The following SHOC2 variants were observed in gnomAD, a reference collection of about 807,000 sequenced individuals.
The protein encoded by SHOC2 is leucine-rich repeat protein SHOC-2.
In SHOC2, 4 loss-of-function variants were observed where a neutral mutation model predicts 50.2. That is an observed-to-expected ratio of 0.08 (90% CI 0.04 to 0.18). The LOEUF (loss-of-function observed/expected upper bound fraction) is 0.18, where lower values mean the gene tolerates loss of function less well. SHOC2 is among the 10% of genes least tolerant of loss of function. SHOC2 has a pLI of 1.00. For synonymous variants in SHOC2, 218 were observed against 244.5 expected (o/e 0.89, Z 1.01); for missense variants, 388 against 669.6 (o/e 0.58, Z 4.64).
chr10:110,990,380 A>G (rs1190511133), intron 3 of SHOC2, among the ~76,000 whole-genome samples: 1 of 152,216 alleles, frequency 6.6e-6, no homozygotes, highest in Non-Finnish European at 1.5e-5. Flanking sequence ...CTTTATGTCT[A>G]GCTCAGGGAT....
chr10:110,934,511 G>A (rs187988414), intron 1 of SHOC2, among the ~76,000 whole-genome samples: 69 of 151,960 alleles, frequency 4.5e-4, no homozygotes, highest in African/African-American at 1.3e-3. Context: ...TTTAATATCC[G>A]TACAACATTG....
Position 110,964,908 on chromosome 10 carries a change from A to G in SHOC2, c.550A>G (p.Ile184Val). The G allele has an allele frequency of 1.2e-6, 2 of 1,613,804 alleles. No individual in the cohort carries two copies. Among genetic ancestry groups the G allele is most frequent in the African/African-American group, 1.3e-5 (1 of 74,946 alleles). Residue 184 changes from isoleucine (I) to valine (V), a missense_variant, in exon 2 of 9, where the codon ATT (isoleucine) becomes GTT (valine). By Grantham distance (29) the Ile-to-Val change is conservative (BLOSUM62 3). Around this residue, in one of 5 missense-constraint regions of SHOC2, gnomAD observed 88 missense variants for 147.2 expected, o/e 0.60. Coordinates refer to ENST00000369452, the MANE Select transcript of SHOC2 (RefSeq NM_007373.4). The surrounding 1 kb of genome is among the most constrained non-coding windows in gnomAD (Gnocchi z 4.9). ...LDLRHNKLRE[I>V]PSVVYRLDSL... ...TTTACGGCATAATAAACTGAGAGAAATTCCTTCAGTGGTGTATAGGCTGGA... is the reference window on the plus strand; with the variant it reads ...TTTACGGCATAATAAACTGAGAGAAGTTCCTTCAGTGGTGTATAGGCTGGA...
rs2134184102 is a variant in SHOC2 at position 111,012,322 on chromosome 10, T to C, written c.*504T>C. ...TACAGTCAGAGTAAATCACTGGATT[T>C]CTTTTGTTTGTTTTGATTTGCTCTG... On this transcript the variant is annotated 3_prime_UTR_variant, in exon 9 of 9. Coordinates refer to ENST00000369452, the MANE Select transcript of SHOC2 (RefSeq NM_007373.4). 1.2e-5 allele frequency: 2 copies of C among 161,038 alleles called. No homozygotes were observed. The highest frequency in any genetic ancestry group is 3.7e-4 in the East Asian group (2 of 5,478). The allele number at this position is 161,038 out of a possible 1,614,324, so 10.0% of individuals were successfully genotyped here. A position where few individuals can be genotyped will look rare whatever the true frequency, so the allele number is the denominator to read the frequency against.
chr10:110,931,889 G>A (rs149579709), intron 1 of SHOC2, among the ~76,000 whole-genome samples: 1 of 152,206 alleles, frequency 6.6e-6, no homozygotes, highest in East Asian at 1.9e-4. Context: ...AGGCAGAAGG[G>A]TTCCTGTTTT....
chr10:110,986,007 A>G, intron 3 of SHOC2: 1 of 463,956 alleles, frequency 2.2e-6, no homozygotes, highest in African/African-American at 2.0e-5. Flanking sequence ...TTACATGTAT[A>G]TATATTCTGT....
chr10:110,933,858 A>G (rs1321174028), intron 1 of SHOC2, among the ~76,000 whole-genome samples: 4 of 152,140 alleles, frequency 2.6e-5, no homozygotes, highest in Non-Finnish European at 5.9e-5. Flanking sequence ...AGTGATGCCC[A>G]TATCTTTTGA....
At chr10:110,961,900 C>T (rs1387947103) in intron 1 of SHOC2, among the ~76,000 whole-genome samples, 1 of 151,842 alleles carries the variant, frequency 6.6e-6, no homozygotes, top group Admixed American at 6.6e-5. Flanking sequence ...GTGTTCAGAT[C>T]TTACATTTGG....
At chr10:111,000,034 G>A (rs953432649) in intron 3 of SHOC2, among the ~76,000 whole-genome samples, 17 of 152,074 alleles carry the variant, frequency 1.1e-4, no homozygotes, top group African/African-American at 4.1e-4. Context: ...ATAACCACTT[G>A]TTCTAAATTG....
At chr10:110,931,785 A>C (rs1272858619) in intron 1 of SHOC2, among the ~76,000 whole-genome samples, 1 of 152,184 alleles carries the variant, frequency 6.6e-6, no homozygotes, top group African/African-American at 2.4e-5. Context: ...ATGGCAGATA[A>C]AGCCAAATTA....
chr10:110,960,199 T>G (rs1847545305), intron 1 of SHOC2, among the ~76,000 whole-genome samples: 1 of 152,350 alleles, frequency 6.6e-6, no homozygotes, highest in African/African-American at 2.4e-5. Flanking sequence ...TGGTAAAGTT[T>G]TATTGAAACA....
chr10:110,930,112 TTA>T (rs1386628469), intron 1 of SHOC2, among the ~76,000 whole-genome samples: 5 of 152,208 alleles, frequency 3.3e-5, no homozygotes, highest in African/African-American at 1.2e-4. Context: ...GATAATGAGA[TTA>T]TATTTTTAAA....
At chr10:110,945,616 G>A (rs1227484236) in intron 1 of SHOC2, among the ~76,000 whole-genome samples, 1 of 151,830 alleles carries the variant, frequency 6.6e-6, no homozygotes, top group Non-Finnish European at 1.5e-5. Context: ...CTGTGATGTC[G>A]CCTCCACTTG....
chr10:110,995,330 C>T (rs1292427093), intron 3 of SHOC2, among the ~76,000 whole-genome samples: 1 of 152,118 alleles, frequency 6.6e-6, no homozygotes, highest in African/African-American at 2.4e-5. Context: ...AAACAGTGTG[C>T]TGGTATATCC....
At chr10:110,955,048 G>A (rs964368623) in intron 1 of SHOC2, among the ~76,000 whole-genome samples, 1 of 152,166 alleles carries the variant, frequency 6.6e-6, no homozygotes, top group African/African-American at 2.4e-5. Context: ...TGAAAAATTA[G>A]CCATTTCTAG....
At chr10:110,940,718 C>T (rs2134090071) in intron 1 of SHOC2, among the ~76,000 whole-genome samples, 1 of 152,080 alleles carries the variant, frequency 6.6e-6, no homozygotes, top group East Asian at 1.9e-4. Flanking sequence ...TTTCTGTTGT[C>T]TTTAATTTAG....
At chr10:110,954,911 T>C (rs567553006) in intron 1 of SHOC2, among the ~76,000 whole-genome samples, 2 of 152,230 alleles carry the variant, frequency 1.3e-5, no homozygotes, top group Non-Finnish European at 2.9e-5. Flanking sequence ...GACTGGGGAA[T>C]AGTAAGCCAG....
intron 1 of SHOC2, among the ~76,000 whole-genome samples, chr10:110,938,422 T>C (rs1847071130): frequency 6.6e-6 from 1 of 152,194 alleles, no homozygotes; most frequent in Non-Finnish European, 1.5e-5. Flanking sequence ...CTCTAGTTAT[T>C]GATCATTTCA....
intron 1 of SHOC2, among the ~76,000 whole-genome samples, chr10:110,933,979 T>C (rs1426134104): frequency 6.6e-6 from 1 of 152,200 alleles, no homozygotes; most frequent in Non-Finnish European, 1.5e-5. Flanking sequence ...ATTAGCTGTA[T>C]TTTGTTTGAA....
At chr10:111,009,117 T>C (rs1055963605) in intron 6 of SHOC2, 131 bp from the exon 7 acceptor site, 4 of 531,202 alleles carry the variant, frequency 7.5e-6, no homozygotes, top group African/African-American at 5.9e-5. Flanking sequence ...TTATATGTTA[T>C]ATAATTGAAC....
Sources: gnomAD v4.1 joint callset for allele counts (sites outside exome capture counted in the v4.1 genomes callset) on GRCh38, gnomAD v4.1.1 for gene constraint, gnomAD v4.1.1 regional missense constraint, Gnocchi (gnomAD v3.1) non-coding constraint, MANE v1.5 for transcripts, NCBI Gene and HGNC (gene_info 2026-07-23, HGNC 2026-07-21) for gene names.